SNCAIP: variants seen among roughly 807,000 people sequenced by gnomAD.
SNCAIP encodes synphilin-1.
A neutral mutation model predicts 86.7 loss-of-function variants in SNCAIP; 43 were observed. The ratio of observed to expected loss-of-function variants is 0.50; its 90% CI spans 0.39 to 0.64. The LOEUF (loss-of-function observed/expected upper bound fraction) is 0.64, where lower values mean the gene tolerates loss of function less well. Among genes scored for constraint, SNCAIP ranks in the 30% least tolerant of loss-of-function variants. The pLI is 0.00. For synonymous variants in SNCAIP, 417 were observed against 427.2 expected (o/e 0.98, Z 0.29); for missense variants, 981 against 1,103.1 (o/e 0.89, Z 1.57).
At chr5:122,461,614 A>G (rs1441925396) in intron 10 of SNCAIP, among the ~76,000 whole-genome samples, 1 of 150,600 alleles carries the variant, frequency 6.6e-6, no homozygotes, top group Non-Finnish European at 1.5e-5. Context: ...TGTTATAATA[A>G]TATTAATTTC....
intron 1 of SNCAIP, among the ~76,000 whole-genome samples, chr5:122,372,407 C>T (rs1764461925): frequency 6.6e-6 from 1 of 152,142 alleles, no homozygotes; most frequent in Non-Finnish European, 1.5e-5. Flanking sequence ...AAGTTGTTGC[C>T]ACTCCATTAC....
At chr5:122,366,204 T>G (rs56142133) in intron 1 of SNCAIP, among the ~76,000 whole-genome samples, 28 of 151,922 alleles carry the variant, frequency 1.8e-4, no homozygotes, top group Non-Finnish European at 3.4e-4. Context: ...AGCCACCAGC[T>G]CCCCTAGGGC....
Position 122,423,196 on chromosome 5 carries a change from T to C in SNCAIP, c.459T>C (p.Ile153=). Residue 153 remains isoleucine (I), a synonymous_variant, in exon 4 of 11, where the codon ATT becomes ATC. Transcript: ENST00000261368. ...ACTACGACCTCGACATGGATGAGAT[T>C]CTGGATGTGCCTTATATTAAATCCA... is the stretch of plus-strand genomic sequence containing the variant. ...LEHYDLDMDE[I]LDVPYIKSSQ... is the part of the protein sequence containing the mutation. 1 of 1,614,172 alleles carries C rather than the reference T, an allele frequency of 6.2e-7. No homozygotes were observed. Among genetic ancestry groups the C allele is most frequent in the South Asian group, 1.1e-5 (1 of 91,078 alleles).
At chr5:122,377,338 A>G (rs1030877297) in intron 1 of SNCAIP, among the ~76,000 whole-genome samples, 9 of 152,034 alleles carry the variant, frequency 5.9e-5, no homozygotes, top group African/African-American at 2.2e-4. Flanking sequence ...ATGTGTATAC[A>G]TTTGTGTTTG....
intron 1 of SNCAIP, among the ~76,000 whole-genome samples, chr5:122,361,722 T>A (rs1035068396): frequency 3.3e-5 from 5 of 151,746 alleles, no homozygotes; most frequent in Non-Finnish European, 7.4e-5. Context: ...AGCATGATCA[T>A]TTCTAGCATG....
intron 1 of SNCAIP, among the ~76,000 whole-genome samples, chr5:122,349,536 C>A (rs1759352176): frequency 6.6e-6 from 1 of 152,128 alleles, no homozygotes; most frequent in Non-Finnish European, 1.5e-5. Context: ...TTTAAAATGA[C>A]AGAAAATTAG....
In SNCAIP at chr5:122,421,467, G is replaced by C. The variant is rs567299517; in HGVS notation, c.131-1401G>C. ...CTTAAATTTAGGGAACTTTAATAAT[G>C]TATGTTCCACTTTCACCCTAAGAAT... On this transcript the variant is annotated intron_variant, in intron 3 of 10. Coordinates refer to ENST00000261368, the MANE Select transcript of SNCAIP (RefSeq NM_005460.4). Among the ~76,000 whole-genome samples, 23 of 152,278 alleles carry C rather than the reference G, an allele frequency of 1.5e-4. 1 individual carries two copies. The highest frequency in any genetic ancestry group is 2.8e-4 in the Non-Finnish European group (19 of 68,024).
intron 6 of SNCAIP, among the ~76,000 whole-genome samples, chr5:122,439,263 G>A (rs1413519516): frequency 2.6e-5 from 4 of 152,178 alleles, no homozygotes; most frequent in Admixed American, 2.0e-4. Flanking sequence ...CATAGCTCCA[G>A]GCTCTGCTTC....
chr5:122,358,101 C>G (rs183538632), intron 1 of SNCAIP, among the ~76,000 whole-genome samples: 4 of 151,104 alleles, frequency 2.6e-5, no homozygotes, highest in Non-Finnish European at 4.4e-5. Flanking sequence ...ATCTTTAAAC[C>G]TTCCATACCC....
At chr5:122,357,286 A>T (rs1384262975) in intron 1 of SNCAIP, among the ~76,000 whole-genome samples, 1 of 151,842 alleles carries the variant, frequency 6.6e-6, no homozygotes, top group Non-Finnish European at 1.5e-5. Flanking sequence ...CCCAGGCTGG[A>T]GTGCAGTGGC....
chr5:122,435,031 G>A (rs1779117946), intron 6 of SNCAIP, among the ~76,000 whole-genome samples: 1 of 144,338 alleles, frequency 6.9e-6, no homozygotes, highest in Non-Finnish European at 1.6e-5. Context: ...CGTTTTTCTT[G>A]TAAAAATTAC....
rs1188951304 is a variant in SNCAIP, at chr5:122,378,903, C to G, written c.-46-12186C>G. Reference sequence around the variant, plus strand: ...TGTTCTGTTCCATTCATCTATATCTCTGTTTTGGTACCAGTACCATGCTGT... The same window carrying G: ...TGTTCTGTTCCATTCATCTATATCTGTGTTTTGGTACCAGTACCATGCTGT... On this transcript the variant is annotated intron_variant, in intron 1 of 10. Coordinates refer to ENST00000261368, the MANE Select transcript of SNCAIP (RefSeq NM_005460.4). Among the ~76,000 whole-genome samples, 4 of 145,148 alleles carry G rather than the reference C, an allele frequency of 2.8e-5. 1 individual carries two copies. Among genetic ancestry groups the G allele is most frequent in the Non-Finnish European group, 6.1e-5 (4 of 66,056 alleles).
intron 1 of SNCAIP, among the ~76,000 whole-genome samples, chr5:122,362,587 G>A (rs1346515102): frequency 6.6e-6 from 1 of 152,214 alleles, no homozygotes; most frequent in East Asian, 1.9e-4. Flanking sequence ...TGGAATGTTT[G>A]AAGTCGGAGA....
chr5:122,331,539 A>T (rs774340228), intron 1 of SNCAIP, among the ~76,000 whole-genome samples: 1 of 152,232 alleles, frequency 6.6e-6, no homozygotes, highest in Non-Finnish European at 1.5e-5. Context: ...ACTGTGACAA[A>T]ATACCATAAT....
intron 1 of SNCAIP, among the ~76,000 whole-genome samples, chr5:122,327,402 C>A (rs775398370): frequency 6.6e-6 from 1 of 152,088 alleles, no homozygotes; most frequent in Non-Finnish European, 1.5e-5. Context: ...TGCTCTGGTA[C>A]TGTATGGTTT....
chr5:122,461,996 T>A (rs895659889), intron 10 of SNCAIP, among the ~76,000 whole-genome samples: 1 of 152,196 alleles, frequency 6.6e-6, no homozygotes, highest in African/African-American at 2.4e-5. Context: ...GCAAATCTTA[T>A]TTAAATTTTT....
intron 1 of SNCAIP, among the ~76,000 whole-genome samples, chr5:122,313,452 C>G (rs1467154788): frequency 6.6e-6 from 1 of 152,242 alleles, no homozygotes; most frequent in East Asian, 1.9e-4. Context: ...CAAGGTGTCA[C>G]TCTAAACACG....
chr5:122,452,881 G>T (rs775709074), intron 10 of SNCAIP: 1 of 1,246,130 alleles, frequency 8.0e-7, no homozygotes, highest in South Asian at 1.3e-5. Context: ...CATGTGCTGA[G>T]CTTGTTGCAT....
chr5:122,338,870 A>G (rs1757014774), intron 1 of SNCAIP, among the ~76,000 whole-genome samples: 1 of 152,190 alleles, frequency 6.6e-6, no homozygotes, highest in Non-Finnish European at 1.5e-5. Flanking sequence ...TGTAATTAAT[A>G]TATTAAGTCC....
Sources: gnomAD v4.1 joint callset for allele counts (sites outside exome capture counted in the v4.1 genomes callset) on GRCh38, gnomAD v4.1.1 for gene constraint, MANE v1.5 for transcripts, NCBI Gene and HGNC (gene_info 2026-07-23, HGNC 2026-07-21) for gene names.